Variants in BCKDHB observed in about 807,000 individuals in gnomAD.
BCKDHB encodes the protein 2-oxoisovalerate dehydrogenase subunit beta, mitochondrial.
BCKDHB carries 41 observed loss-of-function variants against 48.5 expected under a neutral mutation model. The ratio of observed to expected loss-of-function variants is 0.85; its 90% CI spans 0.66 to 1.10. The LOEUF (loss-of-function observed/expected upper bound fraction) is 1.10. BCKDHB is among the 50% of genes least tolerant of loss of function. The probability of loss-of-function intolerance (pLI) is 0.00; values close to 1 mark genes in which losing one functional copy is unlikely to be tolerated. For missense variants in BCKDHB, 496 were observed against 494.2 expected (o/e 1.00, Z -0.03); for synonymous variants, 201 against 174.8 (o/e 1.15, Z -1.18).
the BCKDHB span, among the ~76,000 whole-genome samples, chr6:80,379,550 C>G: frequency 6.6e-6 from 1 of 151,978 alleles, no homozygotes; most frequent in Non-Finnish European, 1.5e-5. Context: ...ATAAGGTTGT[C>G]CACTCTCATC....
chr6:80,420,083 C>T, the BCKDHB span, among the ~76,000 whole-genome samples: 1 of 152,178 alleles, frequency 6.6e-6, no homozygotes, highest in South Asian at 2.1e-4. Flanking sequence ...TTTGTGTTCT[C>T]TTGTAGCTCA....
At chr6:80,457,728 T>A in the BCKDHB span, among the ~76,000 whole-genome samples, 69 of 152,334 alleles carry the variant, frequency 4.5e-4, no homozygotes, top group African/African-American at 1.6e-3. Context: ...TACCTTGGTT[T>A]ACTTGTTGCT....
At chr6:80,130,134 C>T (rs1360082583) in intron 3 of BCKDHB, among the ~76,000 whole-genome samples, 7 of 151,892 alleles carry the variant, frequency 4.6e-5, no homozygotes, top group Non-Finnish European at 8.8e-5. Flanking sequence ...ACTCTTCTGA[C>T]TTGCAGTGTA....
At chr6:80,409,238 G>C in the BCKDHB span, among the ~76,000 whole-genome samples, 1 of 152,192 alleles carries the variant, frequency 6.6e-6, no homozygotes, top group African/African-American at 2.4e-5. Flanking sequence ...ACTGTGGTCT[G>C]AGAGACAGTT....
chr6:80,352,638 A>G, the BCKDHB span, among the ~76,000 whole-genome samples: 6 of 152,216 alleles, frequency 3.9e-5, no homozygotes, highest in East Asian at 1.9e-4. Flanking sequence ...GAAAATCTAC[A>G]TGTTTTAATA....
chr6:80,131,164 T>G (rs1164682632), intron 3 of BCKDHB, among the ~76,000 whole-genome samples: 2 of 152,170 alleles, frequency 1.3e-5, no homozygotes, highest in African/African-American at 4.8e-5. Context: ...CATACACTGG[T>G]GACTCCTGAA....
intron 9 of BCKDHB, among the ~76,000 whole-genome samples, chr6:80,327,945 C>T (rs970642176): frequency 7.8e-6 from 1 of 128,612 alleles, no homozygotes; most frequent in Non-Finnish European, 1.6e-5. Flanking sequence ...TTCCTTCCTT[C>T]CTTTCATTTT....
the BCKDHB span, among the ~76,000 whole-genome samples, chr6:80,352,176 GCC>G: frequency 6.7e-6 from 1 of 149,766 alleles, no homozygotes; most frequent in Non-Finnish European, 1.5e-5. Context: ...ATAGGGTTTG[GCC>G]ATGTTGCCCA....
chr6:80,122,224 A>T (rs147236286), intron 1 of BCKDHB, among the ~76,000 whole-genome samples: 1 of 150,868 alleles, frequency 6.6e-6, no homozygotes, highest in Non-Finnish European at 1.5e-5. Flanking sequence ...GGTGGATAAG[A>T]TTTTTTATGT....
chr6:80,277,486 C>G (rs556374969), intron 9 of BCKDHB, among the ~76,000 whole-genome samples: 1 of 151,684 alleles, frequency 6.6e-6, no homozygotes, highest in African/African-American at 2.4e-5. Flanking sequence ...GATTGTAAAT[C>G]AGCCTTTATT....
At chr6:80,183,447 T>C (rs886624514) in intron 6 of BCKDHB, among the ~76,000 whole-genome samples, 2 of 152,196 alleles carry the variant, frequency 1.3e-5, no homozygotes, top group African/African-American at 4.8e-5. Flanking sequence ...AGTTATTTTT[T>C]AAGAGCAATT....
chr6:80,426,143 G>A, the BCKDHB span, among the ~76,000 whole-genome samples: 2 of 152,046 alleles, frequency 1.3e-5, no homozygotes, highest in African/African-American at 4.8e-5. Flanking sequence ...GAAGAAAAAT[G>A]TTTTCTAGTA....
the BCKDHB span, among the ~76,000 whole-genome samples, chr6:80,385,733 G>T: frequency 1.3e-5 from 2 of 152,170 alleles, no homozygotes; most frequent in Non-Finnish European, 2.9e-5. Flanking sequence ...TAGAAGTGAG[G>T]TTGATAGTGT....
At chr6:80,161,688 GCTTCTTATCCTTTT>G (rs1208434795) in intron 3 of BCKDHB, among the ~76,000 whole-genome samples, 1 of 152,096 alleles carries the variant, frequency 6.6e-6, no homozygotes, top group Non-Finnish European at 1.5e-5. Flanking sequence ...TGGCTTCTCA[GCTTCTTATCCTTTT>G]CTTCTCTGGT....
intron 1 of BCKDHB, among the ~76,000 whole-genome samples, chr6:80,120,875 C>T (rs542715432): frequency 6.6e-5 from 10 of 152,204 alleles, no homozygotes; most frequent in South Asian, 2.1e-4. Context: ...AATTAGATCC[C>T]CTTTGTCTAT....
chr6:80,343,529 T>C, intron 9 of BCKDHB, 135 bp from the exon 10 acceptor site: 1 of 983,652 alleles, frequency 1.0e-6, no homozygotes, highest in Non-Finnish European at 1.5e-6. Context: ...TTTTTCATAT[T>C]ACAGTATACT....
chr6:80,409,822 C>A, the BCKDHB span, among the ~76,000 whole-genome samples: 1 of 151,570 alleles, frequency 6.6e-6, no homozygotes, highest in Non-Finnish European at 1.5e-5. Flanking sequence ...TGTGTCTCTG[C>A]ACATGAAATG....
the BCKDHB span, chr6:80,356,670 A>G: frequency 6.6e-6 from 1 of 152,298 alleles, no homozygotes; most frequent in East Asian, 1.9e-4. Flanking sequence ...TTTATTTTTC[A>G]GAATGTTTAT....
the BCKDHB span, among the ~76,000 whole-genome samples, chr6:80,384,710 G>C: frequency 2.0e-5 from 3 of 152,114 alleles, no homozygotes; most frequent in African/African-American, 7.2e-5. Context: ...CAAGCTTGCA[G>C]ACAGCCTATT....
Sources: gnomAD v4.1 joint callset for allele counts (sites outside exome capture counted in the v4.1 genomes callset) on GRCh38, gnomAD v4.1.1 for gene constraint, MANE v1.5 for transcripts, NCBI Gene and HGNC (gene_info 2026-07-23, HGNC 2026-07-21) for gene names.